The following RPS27L variants were observed in gnomAD, a reference collection of about 807,000 sequenced individuals.
RPS27L encodes the protein ribosomal protein S27 like.
Under a neutral mutation model 12.8 loss-of-function variants are expected in RPS27L, and 10 were observed. The observed-to-expected ratio is 0.78, with a 90% confidence interval of 0.48 to 1.33. RPS27L has a LOEUF of 1.33. Among genes scored for constraint, RPS27L ranks in the 40% most tolerant of loss-of-function variants. The pLI is 0.00. For synonymous variants in RPS27L, 26 were observed against 32.3 expected (o/e 0.81, Z 0.66); for missense variants, 81 against 97.4 (o/e 0.83, Z 0.71).
chr15:63,154,227 C>T, intron 3 of RPS27L, 167 bp from the exon 4 acceptor site: 1 of 590,580 alleles, frequency 1.7e-6, no homozygotes, highest in South Asian at 2.3e-5. Context: ...TATAATACAT[C>T]TATCATATCT....
At position 63,152,906 on chromosome 15, in the gene RPS27L, T is replaced by C. The variant is rs1018435595; in HGVS notation, c.*1126A>G. The C allele has an allele frequency of 1.2e-4, 18 of 152,192 alleles. No individual in the cohort carries two copies. The highest frequency in any genetic ancestry group is 3.9e-4 in the African/African-American group (16 of 41,450). The allele number at this position is 152,192 out of a possible 1,614,324, so 9.4% of individuals were successfully genotyped here. A position where few individuals can be genotyped will look rare whatever the true frequency, so the allele number is the denominator to read the frequency against. On this transcript the variant is annotated 3_prime_UTR_variant, in exon 4 of 4. Transcript: ENST00000330964. Reference sequence around the variant, plus strand: ...GGATCAGTTGCTCACATTAGAGGCCTACCTGTTGATAGGAAATGCCTGTTT... The same window carrying C: ...GGATCAGTTGCTCACATTAGAGGCCCACCTGTTGATAGGAAATGCCTGTTT...
At position 63,150,181 on chromosome 15, in the gene RPS27L, A is replaced by G. The variant is rs1236823253; in HGVS notation, c.*3851T>C. ...GAATATTGTCAAAAAAAGGAATGAAATATTGATACATGCAACAGCATGGAC... is the reference window on the plus strand; with the variant it reads ...GAATATTGTCAAAAAAAGGAATGAAGTATTGATACATGCAACAGCATGGAC... On this transcript the variant is annotated 3_prime_UTR_variant, in exon 4 of 4. Coordinates refer to ENST00000330964, the MANE Select transcript of RPS27L (RefSeq NM_015920.4). The G allele has an allele frequency of 6.6e-6, 1 of 152,258 alleles. No individual in the cohort carries two copies. Among genetic ancestry groups the G allele is most frequent in the Non-Finnish European group, 1.5e-5 (1 of 68,050 alleles). 9.4% of individuals were successfully genotyped at this position (152,258 alleles called of 1,614,324 possible). A position where few individuals can be genotyped will look rare whatever the true frequency, so the allele number is the denominator to read the frequency against.
chr15:63,152,350 A>G lies in RPS27L; in HGVS notation c.*1682T>C, dbSNP rs192074642. 6.6e-6 allele frequency: 1 copy of G among 152,210 alleles called. No individual in the cohort carries two copies. Among genetic ancestry groups the G allele is most frequent in the Admixed American group, 6.5e-5 (1 of 15,286 alleles). The allele number at this position is 152,210 out of a possible 1,614,324, so 9.4% of individuals were successfully genotyped here. On this transcript the variant is annotated 3_prime_UTR_variant, in exon 4 of 4. Coordinates refer to ENST00000330964, the MANE Select transcript of RPS27L (RefSeq NM_015920.4). ...AAATGGCTACTAGAGTTGTTAGAAC[A>G]TAAGTTAATAAATGTAACTGTTAGG...
chr15:63,155,579 C>T, intron 3 of RPS27L, 42 bp downstream of exon 3: 1 of 1,217,796 alleles, frequency 8.2e-7, no homozygotes, highest in Non-Finnish European at 1.2e-6. Context: ...CATTTATAAT[C>T]ATCAATCTCA....
Position 63,150,745 on chromosome 15 carries a change from A to C in RPS27L, c.*3287T>G, listed in dbSNP as rs1248047712. On this transcript the variant is annotated 3_prime_UTR_variant, in exon 4 of 4. Coordinates refer to ENST00000330964, the MANE Select transcript of RPS27L (RefSeq NM_015920.4). ...AAGCTCCGCCTCCCAGGTTCACGCC[A>C]TTCTCCTGCCTCAGCCTCCCAAGTA... The C allele has an allele frequency of 2.0e-5, 3 of 152,122 alleles. No individual in the cohort carries two copies. The highest frequency in any genetic ancestry group is 2.0e-4 in the Admixed American group (3 of 15,250). 9.4% of individuals were successfully genotyped at this position (152,122 alleles called of 1,614,324 possible). A position where few individuals can be genotyped will look rare whatever the true frequency, so the allele number is the denominator to read the frequency against.
Position 63,157,408 on chromosome 15 carries a change from T to G in RPS27L, c.-3A>C, listed in dbSNP as rs754432392. 1.4e-5 allele frequency: 23 copies of G among 1,614,002 alleles called. No homozygotes were observed. The South Asian group carries it at 2.4e-4, about 17-fold the overall frequency. ...CGATGTAAACAACTCACAGGCATGT[T>G]GATCCTCTTGCAAGCTCAGCCCTAC... On this transcript the variant is annotated 5_prime_UTR_variant, in exon 1 of 4. Transcript: ENST00000330964.
At position 63,153,815 on chromosome 15, in the gene RPS27L, C is replaced by A. The variant is rs991290495; in HGVS notation, c.*217G>T. ...ATACACCATATATATAAATGTATGG[C>A]ATACTCAAATATATTTTAAAAAAAG... On this transcript the variant is annotated 3_prime_UTR_variant, in exon 4 of 4. Coordinates refer to ENST00000330964, the MANE Select transcript of RPS27L (RefSeq NM_015920.4). 2 of 537,386 alleles carry A rather than the reference C, an allele frequency of 3.7e-6. No homozygotes were observed. The allele number at this position is 537,386 out of a possible 1,614,324, so 33.3% of individuals were successfully genotyped here.
chr15:63,157,380 G>A lies in RPS27L; in HGVS notation c.6+20C>T. On this transcript the variant is annotated intron_variant, in intron 1 of 3. Transcript: ENST00000330964. ...TAAAGAAGCCCAAAACAAACCCGGA[G>A]CCCGATGTAAACAACTCACAGGCAT... 1.9e-6 allele frequency: 3 copies of A among 1,613,924 alleles called. No individual in the cohort carries two copies. Among genetic ancestry groups the A allele is most frequent in the Non-Finnish European group, 2.5e-6 (3 of 1,179,842 alleles).
chr15:63,157,180 A>C (rs186550105), intron 1 of RPS27L: 2 of 605,372 alleles, frequency 3.3e-6, no homozygotes, highest in Non-Finnish European at 5.9e-6. Context: ...CCTCCCAGCC[A>C]CCGCCTCTGA....
rs1410963778 is a variant in RPS27L at position 63,148,522 on chromosome 15, G to A, written c.*5510C>T. 1 of 152,216 alleles carries A rather than the reference G, an allele frequency of 6.6e-6. No homozygotes were observed. Among genetic ancestry groups the A allele is most frequent in the East Asian group, 1.9e-4 (1 of 5,198 alleles). 9.4% of individuals were successfully genotyped at this position (152,216 alleles called of 1,614,324 possible). ...ACACAAAACACTGAGCAGGGCTGAA[G>A]CTGAGGGTCTGCCGGGCTCTGGTTC... On this transcript the variant is annotated 3_prime_UTR_variant, in exon 4 of 4. Coordinates refer to ENST00000330964, the MANE Select transcript of RPS27L (RefSeq NM_015920.4).
chr15:63,156,716 G>C (rs2037334924), intron 1 of RPS27L, 195 bp from the exon 2 acceptor site: 1 of 624,658 alleles, frequency 1.6e-6, no homozygotes, highest in African/African-American at 1.9e-5. Context: ...TGTTCTCCAA[G>C]TCCCTAGAAA....
At chr15:63,156,735 C>G (rs2037335012) in intron 1 of RPS27L, 1 of 608,628 alleles carries the variant, frequency 1.6e-6, no homozygotes. Flanking sequence ...AAAGGGCTTT[C>G]GCACGATCAG....
In RPS27L at chr15:63,157,408, T is replaced by A; in HGVS notation, c.-3A>T. 1.2e-6 allele frequency: 2 copies of A among 1,614,120 alleles called. No homozygotes were observed. Among genetic ancestry groups the A allele is most frequent in the Non-Finnish European group, 1.7e-6 (2 of 1,179,988 alleles). On this transcript the variant is annotated 5_prime_UTR_variant, in exon 1 of 4. Coordinates refer to ENST00000330964, the MANE Select transcript of RPS27L (RefSeq NM_015920.4). Reference sequence around the variant, plus strand: ...CGATGTAAACAACTCACAGGCATGTTGATCCTCTTGCAAGCTCAGCCCTAC... The same window carrying A: ...CGATGTAAACAACTCACAGGCATGTAGATCCTCTTGCAAGCTCAGCCCTAC...
At chr15:63,157,246 T>C in intron 1 of RPS27L, 154 bp downstream of exon 1, 1 of 852,060 alleles carries the variant, frequency 1.2e-6, no homozygotes, top group Non-Finnish European at 2.0e-6. Context: ...GGCAAGTCAC[T>C]ACATGCCCGC....
intron 2 of RPS27L, 43 bp from the exon 3 acceptor site, chr15:63,155,774 A>T: frequency 8.3e-7 from 1 of 1,204,112 alleles, no homozygotes; most frequent in Non-Finnish European, 1.1e-6. Flanking sequence ...AAAGCAGAGG[A>T]AAACAGCACC....
At chr15:63,154,195 T>A (rs576352671) in intron 3 of RPS27L, 135 bp from the exon 4 acceptor site, 53 of 683,884 alleles carry the variant, frequency 7.7e-5, no homozygotes, top group Non-Finnish European at 1.2e-4. Context: ...AGATTATTTA[T>A]CCTTTTATAC....
Position 63,155,663 on chromosome 15 carries a change from C to T in RPS27L, c.184G>A (p.Val62Met), listed in dbSNP as rs748428902. ...TVVLCVGCST[V>M]LCQPTGGKAR... ...TTTCCTCCTGTAGGCTGGCACAACA[C>T]TGTTGAACAACCTACACAAAGAACC... Residue 62 changes from valine (V) to methionine (M), a missense_variant, in exon 3 of 4, where the codon GTG becomes ATG. Val to Met is a conservative substitution (Grantham distance 21). Coordinates refer to ENST00000330964, the MANE Select transcript of RPS27L (RefSeq NM_015920.4). 2 of 1,589,288 alleles carry T rather than the reference C, an allele frequency of 1.3e-6. No individual in the cohort carries two copies. Among genetic ancestry groups the T allele is most frequent in the East Asian group, 4.6e-5 (2 of 43,168 alleles).
chr15:63,157,166 T>C (rs1205483773), intron 1 of RPS27L: 1 of 592,014 alleles, frequency 1.7e-6, no homozygotes. Context: ...CAGAGAACTG[T>C]TCCCCTCCCA....
Position 63,152,488 on chromosome 15 carries a change from ATTT to A in RPS27L, c.*1541_*1543del. ...TCTACATATATATGTATATATATAT[ATTT>A]TTTTTTTCTTTTTTTTTTTGAGACG... On this transcript the variant is annotated 3_prime_UTR_variant, in exon 4 of 4. Coordinates refer to ENST00000330964, the MANE Select transcript of RPS27L (RefSeq NM_015920.4). 7.1e-6 allele frequency: 1 copy of A among 141,462 alleles called. No individual in the cohort carries two copies. The highest frequency in any genetic ancestry group is 2.2e-4 in the East Asian group (1 of 4,572). The allele number at this position is 141,462 out of a possible 1,614,324, so 8.8% of individuals were successfully genotyped here.
Sources: allele counts gnomAD v4.1 joint callset, GRCh38; gene constraint gnomAD v4.1.1; transcripts MANE v1.5; gene names NCBI Gene and HGNC (gene_info 2026-07-23, HGNC 2026-07-21).